SLCO3A1: variants seen among roughly 807,000 people sequenced by gnomAD.
SLCO3A1 encodes the protein solute carrier organic anion transporter family member 3A1.
In SLCO3A1, 27 loss-of-function variants were observed where a neutral mutation model predicts 63.1. The ratio of observed to expected loss-of-function variants is 0.43; its 90% CI spans 0.32 to 0.59. The LOEUF (loss-of-function observed/expected upper bound fraction) is 0.59. SLCO3A1 is among the 20% of genes least tolerant of loss of function. The pLI is 0.09. For synonymous variants in SLCO3A1, 473 were observed against 409.9 expected (o/e 1.15, Z -1.86); for missense variants, 773 against 945.8 (o/e 0.82, Z 2.40).
At chr15:92,046,633 A>G (rs1229992476) in intron 2 of SLCO3A1, among the ~76,000 whole-genome samples, 2 of 152,088 alleles carry the variant, frequency 1.3e-5, no homozygotes, top group Non-Finnish European at 2.9e-5. Flanking sequence ...GCCTTGTCCA[A>G]GGCTGCAGTT....
chr15:92,163,634 A>G lies in SLCO3A1; in HGVS notation c.*499A>G, dbSNP rs1232248153. 2.0e-6 allele frequency: 2 copies of G among 984,298 alleles called. No homozygotes were observed. The highest frequency in any genetic ancestry group is 2.4e-6 in the Non-Finnish European group (2 of 829,392). 61.0% of individuals were successfully genotyped at this position (984,298 alleles called of 1,614,324 possible). A position where few individuals can be genotyped will look rare whatever the true frequency, so the allele number is the denominator to read the frequency against. ...ACACCCCGTGCCACCCTCTTCCTCC[A>G]GGTGGGGGTGGGGGCGGGCGCACAA... is the stretch of plus-strand genomic sequence containing the variant. On this transcript the variant is annotated 3_prime_UTR_variant, in exon 10 of 10. Transcript: ENST00000318445.
intron 2 of SLCO3A1, among the ~76,000 whole-genome samples, chr15:91,980,203 G>T (rs918645319): frequency 6.6e-6 from 1 of 152,146 alleles, no homozygotes; most frequent in African/African-American, 2.4e-5. Context: ...AGGGGTTGGT[G>T]TGGGGAGAGG....
intron 3 of SLCO3A1, among the ~76,000 whole-genome samples, chr15:92,103,609 G>T (rs1183919087): frequency 1.3e-5 from 2 of 152,014 alleles, no homozygotes; most frequent in African/African-American, 4.8e-5. Flanking sequence ...GCATGCGCCA[G>T]GCACTCTTCT....
At chr15:92,016,225 ATAGATAGATAGATAGATAGATAGATAGAT>A (rs201222258) in intron 2 of SLCO3A1, among the ~76,000 whole-genome samples, 9,111 of 89,126 alleles carry the variant, frequency 0.1, 380 homozygotes, top group East Asian at 0.29. Flanking sequence ...AGATAGATAG[ATAGATAGATAGATAGATAGATAGATAGAT>A]TAGATAGATA....
In SLCO3A1 at chr15:92,143,401, TATATATA is replaced by T. The variant is rs1175394104; in HGVS notation, c.1513-3575_1513-3569del. ...TATATATAATATATATATTATATAA[TATATATA>T]ATATATATATTATATATATATAATA... is the stretch of plus-strand genomic sequence containing the variant. On this transcript the variant is annotated intron_variant, in intron 7 of 9. Transcript: ENST00000318445. 4.8e-3 allele frequency among the ~76,000 whole-genome samples: 7 copies of T among 1,446 alleles called. 3 individuals carry two copies. In the African/African-American group the frequency reaches 0.052, roughly 11 times the overall value. 0.9% of individuals were successfully genotyped at this position (1,446 alleles called of 152,430 possible).
rs903596044 is a variant in SLCO3A1 at position 91,916,109 on chromosome 15, C to T, written c.297C>T (p.Phe99=). ...CGCTCATCCTCTTCGTGAGCTACTT[C>T]GGGGCACGCGGGCACCGGCCGCGCC... ...NLALILFVSY[F]GARGHRPRLI... is the part of the protein sequence containing the mutation. The change falls in exon 2 of 10, where the codon TTC becomes TTT. Residue 99 remains phenylalanine, a synonymous_variant. Transcript: ENST00000318445. The surrounding 1 kb of genome is among the most constrained non-coding windows in gnomAD (Gnocchi z 6.2). The T allele has an allele frequency of 3.7e-6, 6 of 1,611,678 alleles. No individual in the cohort carries two copies. Among genetic ancestry groups the T allele is most frequent in the Non-Finnish European group, 1.7e-6 (2 of 1,179,670 alleles).
intron 2 of SLCO3A1, among the ~76,000 whole-genome samples, chr15:92,093,537 C>T (rs192002398): frequency 2.0e-4 from 31 of 152,300 alleles, no homozygotes; most frequent in African/African-American, 2.4e-4. Context: ...CTATATTACG[C>T]GGCTTCCTTT....
intron 7 of SLCO3A1, among the ~76,000 whole-genome samples, chr15:92,139,954 G>A (rs2048108293): frequency 6.8e-6 from 1 of 146,908 alleles, no homozygotes; most frequent in South Asian, 2.2e-4. Context: ...TTTTTTGAAG[G>A]GTTTTTTTGT....
chr15:91,952,656 A>G (rs949615417), intron 2 of SLCO3A1, among the ~76,000 whole-genome samples: 1 of 152,180 alleles, frequency 6.6e-6, no homozygotes, highest in African/African-American at 2.4e-5. Flanking sequence ...CAGATCAGGG[A>G]TTGCACCTGT....
intron 9 of SLCO3A1, among the ~76,000 whole-genome samples, chr15:92,152,469 C>G (rs557456002): frequency 6.6e-6 from 1 of 152,324 alleles, no homozygotes; most frequent in African/African-American, 2.4e-5. Flanking sequence ...GAGAAGTGCT[C>G]TAGGTGTGAA....
At chr15:92,003,432 A>G (rs1053975588) in intron 2 of SLCO3A1, among the ~76,000 whole-genome samples, 1 of 152,208 alleles carries the variant, frequency 6.6e-6, no homozygotes, top group African/African-American at 2.4e-5. Flanking sequence ...TTAGTTTTTC[A>G]TCAGCTAGCC....
chr15:92,070,642 C>CTT (rs57873454), intron 2 of SLCO3A1, among the ~76,000 whole-genome samples: 1 of 145,320 alleles, frequency 6.9e-6, no homozygotes, highest in Non-Finnish European at 1.5e-5. Context: ...ACACTCTAGA[C>CTT]TTTTTTTTTT....
chr15:91,871,635 T>C (rs1897279931), intron 1 of SLCO3A1, among the ~76,000 whole-genome samples: 1 of 152,164 alleles, frequency 6.6e-6, no homozygotes, highest in Non-Finnish European at 1.5e-5. Flanking sequence ...TTATTCACTG[T>C]TTTGTCTTCC....
chr15:91,962,228 C>T lies in SLCO3A1; in HGVS notation c.646+45770C>T, dbSNP rs548643249. On this transcript the variant is annotated intron_variant, in intron 2 of 9. Transcript: ENST00000318445. The stretch of plus-strand genomic sequence containing the variant: ...TGCACAGTGGCTCACACCTGTAATC[C>T]CAGCACTTTGGGAGGCCGAGGCAGA... Among the ~76,000 whole-genome samples, 686 of 152,158 alleles carry T rather than the reference C, an allele frequency of 4.5e-3. 2 individuals are homozygous for T. The highest frequency in any genetic ancestry group is 8.0e-3 in the Non-Finnish European group (547 of 68,006).
intron 9 of SLCO3A1, among the ~76,000 whole-genome samples, chr15:92,159,930 T>C (rs772957117): frequency 6.6e-6 from 1 of 152,132 alleles, no homozygotes; most frequent in African/African-American, 2.4e-5. Context: ...AAATTTCCTT[T>C]GATGTGCTTA....
intron 2 of SLCO3A1, among the ~76,000 whole-genome samples, chr15:92,013,694 A>G (rs1052448681): frequency 1.3e-5 from 2 of 152,296 alleles, no homozygotes; most frequent in African/African-American, 4.8e-5. Context: ...TGAGCTATAG[A>G]CCTGTCATAA....
intron 2 of SLCO3A1, among the ~76,000 whole-genome samples, chr15:92,053,676 G>GTTTT (rs374017626): frequency 1.9e-5 from 1 of 53,380 alleles, no homozygotes; most frequent in African/African-American, 5.9e-5. Context: ...TTTATGTTTT[G>GTTTT]TTTTTTTGTT....
In SLCO3A1 at chr15:92,047,066, TATACAAATATATATA is replaced by T. The variant is rs1438986642; in HGVS notation, c.647-47811_647-47797del. On this transcript the variant is annotated intron_variant, in intron 2 of 9. Transcript: ENST00000318445. ...AATATATATATAATATATAAATATA[TATACAAATATATATA>T]ATATATAAATATATATACAAATATA... Among the ~76,000 whole-genome samples the T allele has an allele frequency of 4.7e-3, 176 of 37,798 alleles. 4 individuals are homozygous for T. The highest frequency in any genetic ancestry group is 0.011 in the East Asian group (18 of 1,588). 24.8% of individuals were successfully genotyped at this position (37,798 alleles called of 152,430 possible).
At chr15:91,964,296 AT>A (rs35669956) in intron 2 of SLCO3A1, among the ~76,000 whole-genome samples, 11 of 151,252 alleles carry the variant, frequency 7.3e-5, no homozygotes, top group Non-Finnish European at 1.6e-4. Context: ...GTCATCTGTA[AT>A]TTTTTTTTGT....
Sources: allele counts gnomAD v4.1 joint callset (sites outside exome capture counted in the v4.1 genomes callset), GRCh38; gene constraint gnomAD v4.1.1; non-coding constraint Gnocchi (gnomAD v3.1); transcripts MANE v1.5; gene names NCBI Gene and HGNC (gene_info 2026-07-23, HGNC 2026-07-21).